Variants in TPP2 observed in about 807,000 individuals in gnomAD.
The protein encoded by TPP2 is tripeptidyl peptidase 2, also known as tripeptidyl-peptidase 2.
TPP2 carries 34 observed loss-of-function variants against 155.9 expected under a neutral mutation model. That is an observed-to-expected ratio of 0.22 (90% CI 0.17 to 0.29). The LOEUF (loss-of-function observed/expected upper bound fraction) is 0.29, where lower values mean the gene tolerates loss of function less well. Among genes scored for constraint, TPP2 ranks in the 10% least tolerant of loss-of-function variants. The pLI, the probability that TPP2 is intolerant of heterozygous loss-of-function variation, is 1.00. For missense variants in TPP2, 1,028 were observed against 1,522.3 expected (o/e 0.68, Z 5.40); for synonymous variants, 510 against 529.4 (o/e 0.96, Z 0.50).
chr13:102,639,720 T>C (rs1882630206), intron 15 of TPP2, among the ~76,000 whole-genome samples: 1 of 152,262 alleles, frequency 6.6e-6, no homozygotes, highest in Non-Finnish European at 1.5e-5. Flanking sequence ...AATTTGTCTC[T>C]AGCATAAAAT....
At chr13:102,605,759 C>T (rs1341721427) in intron 2 of TPP2, among the ~76,000 whole-genome samples, 3 of 149,730 alleles carry the variant, frequency 2.0e-5, no homozygotes, top group African/African-American at 4.9e-5. Context: ...AGTCTTGCTC[C>T]GTTGCTCAGG....
At chr13:102,625,550 T>C (rs192047488) in intron 6 of TPP2, among the ~76,000 whole-genome samples, 1 of 152,332 alleles carries the variant, frequency 6.6e-6, no homozygotes, top group Admixed American at 6.5e-5. Flanking sequence ...AGGTGCTCTG[T>C]ATCCTCAGCA....
At chr13:102,625,259 G>T (rs1329346914) in intron 6 of TPP2, among the ~76,000 whole-genome samples, 2 of 149,866 alleles carry the variant, frequency 1.3e-5, no homozygotes, top group African/African-American at 5.0e-5. Context: ...CCGCCTCCCG[G>T]GTTCATGCCA....
chr13:102,616,917 TG>T (rs1216569341), intron 4 of TPP2, among the ~76,000 whole-genome samples: 3 of 148,230 alleles, frequency 2.0e-5, no homozygotes, highest in South Asian at 2.1e-4. Flanking sequence ...TTTTGTTTTT[TG>T]TTTTTTTTTT....
intron 1 of TPP2, 90 bp downstream of exon 1, chr13:102,597,293 C>T (rs1405558862): frequency 6.7e-6 from 5 of 751,268 alleles, no homozygotes; most frequent in Non-Finnish European, 9.3e-6. Context: ...CAGGCCAAAG[C>T]CCCGCTCTGC....
intron 11 of TPP2, 39 bp from the exon 12 acceptor site, chr13:102,635,548 G>A: frequency 6.7e-7 from 1 of 1,499,404 alleles, no homozygotes; most frequent in Non-Finnish European, 9.2e-7. Flanking sequence ...GTTTCAGATA[G>A]TGAGTGCTAC....
At chr13:102,673,684 C>T (rs1194086615) in intron 27 of TPP2, among the ~76,000 whole-genome samples, 1 of 152,200 alleles carries the variant, frequency 6.6e-6, no homozygotes, top group Non-Finnish European at 1.5e-5. Context: ...CTGCCACTTC[C>T]TAACTGGAGG....
chr13:102,637,329 C>G (rs1882447158), intron 14 of TPP2, 90 bp downstream of exon 14: 1 of 1,390,110 alleles, frequency 7.2e-7, no homozygotes, highest in East Asian at 2.6e-5. Flanking sequence ...CAATATATTG[C>G]TTTCTTGCTA....
chr13:102,644,437 T>G (rs904799690), intron 17 of TPP2, 120 bp from the exon 18 acceptor site: 1 of 826,466 alleles, frequency 1.2e-6, no homozygotes, highest in Admixed American at 3.1e-5. Context: ...AATTTTTGAG[T>G]TTTCTTGCTA....
intron 1 of TPP2, among the ~76,000 whole-genome samples, chr13:102,599,454 G>A: frequency 6.6e-6 from 1 of 151,974 alleles, no homozygotes; most frequent in Non-Finnish European, 1.5e-5. Flanking sequence ...TAAGATTAGA[G>A]GATGGATAGA....
intron 2 of TPP2, among the ~76,000 whole-genome samples, chr13:102,605,828 A>G (rs966361931): frequency 1.8e-4 from 27 of 151,792 alleles, no homozygotes; most frequent in Admixed American, 1.7e-3. Flanking sequence ...GGTTCTAGCA[A>G]TTCTCCTGCC....
intron 24 of TPP2, among the ~76,000 whole-genome samples, chr13:102,656,602 G>GGGACTCAGTAAGTCCTGTTGGTT (rs1379661988): frequency 6.6e-6 from 1 of 152,068 alleles, no homozygotes; most frequent in African/African-American, 2.4e-5. Context: ...GCACATCGCG[G>GGGACTCAGTAAGTCCTGTTGGTT]GGACTCAGTA....
At chr13:102,663,230 C>G (rs909908538) in intron 25 of TPP2, among the ~76,000 whole-genome samples, 3 of 152,080 alleles carry the variant, frequency 2.0e-5, no homozygotes, top group Non-Finnish European at 2.9e-5. Flanking sequence ...TCACTGCAAC[C>G]TCTGCCTCCC....
intron 10 of TPP2, among the ~76,000 whole-genome samples, chr13:102,631,711 AAGC>A (rs1882031909): frequency 6.6e-6 from 1 of 152,262 alleles, no homozygotes. Flanking sequence ...CTGATTCACA[AAGC>A]AGATGTTCTA....
chr13:102,610,526 A>G (rs1880216352), intron 2 of TPP2, among the ~76,000 whole-genome samples: 2 of 152,282 alleles, frequency 1.3e-5, no homozygotes, highest in South Asian at 4.1e-4. Context: ...CACCGCGCCC[A>G]GCTGTCATGC....
chr13:102,669,239 T>C (rs1171016751), intron 27 of TPP2, among the ~76,000 whole-genome samples: 1 of 152,226 alleles, frequency 6.6e-6, no homozygotes, highest in Non-Finnish European at 1.5e-5. Context: ...GGGTCCTTAC[T>C]CATATTCACT....
rs201933080 is a variant in TPP2 at position 102,648,955 on chromosome 13, C to G, written c.2677C>G (p.Arg893Gly). Reference sequence around the variant, plus strand: ...AGATTATACAATTCGACTACAGATTCGCCATGAGCAAATCAGTGATTTGGA... The same window carrying G: ...AGATTATACAATTCGACTACAGATTGGCCATGAGCAAATCAGTGATTTGGA... ...KGDYTIRLQI[R>G]HEQISDLERL... Residue 893 changes from arginine to glycine, a missense_variant, in exon 22 of 30, where the codon CGC becomes GGC. By Grantham distance (125) the Arg-to-Gly change is moderately radical. Coordinates refer to ENST00000376052, the MANE Select transcript of TPP2 (RefSeq NM_001330588.2). 1.9e-6 allele frequency: 3 copies of G among 1,612,284 alleles called. No individual in the cohort carries two copies. The highest frequency in any genetic ancestry group is 2.5e-6 in the Non-Finnish European group (3 of 1,179,518).
Position 102,678,480 on chromosome 13 carries a change from AATAC to A in TPP2, c.*167_*170del, listed in dbSNP as rs34432115. ...CAGAGAATTCACTGACGTGTGGCTT[AATAC>A]ATGTAAATCTAGACCTCTGACATCA... On this transcript the variant is annotated 3_prime_UTR_variant, in exon 30 of 30. Coordinates refer to ENST00000376052, the MANE Select transcript of TPP2 (RefSeq NM_001330588.2). The A allele has an allele frequency of 0.14, 76,801 of 568,238 alleles. 7,294 individuals are homozygous for A. The highest frequency in any genetic ancestry group is 0.38 in the East Asian group (12,595 of 32,716). The allele number at this position is 568,238 out of a possible 1,614,324, so 35.2% of individuals were successfully genotyped here.
At chr13:102,659,355 A>C (rs1027821701) in intron 25 of TPP2, among the ~76,000 whole-genome samples, 2 of 152,194 alleles carry the variant, frequency 1.3e-5, no homozygotes, top group African/African-American at 4.8e-5. Flanking sequence ...ATTAACCTAC[A>C]TATCCAGGGA....
Sources: gnomAD v4.1 joint callset for allele counts (sites outside exome capture counted in the v4.1 genomes callset) on GRCh38, gnomAD v4.1.1 for gene constraint, MANE v1.5 for transcripts, NCBI Gene and HGNC (gene_info 2026-07-23, HGNC 2026-07-21) for gene names.